The following STX8 variants were observed in gnomAD, a reference collection of about 807,000 sequenced individuals.
STX8 encodes syntaxin-8.
In STX8, 23 loss-of-function variants were observed where a neutral mutation model predicts 37.5. That is an observed-to-expected ratio of 0.61 (90% CI 0.44 to 0.87). STX8 has a LOEUF of 0.87. STX8 is among the 40% of genes least tolerant of loss of function. STX8 has a pLI of 0.00. For missense variants in STX8, 313 were observed against 284.7 expected (o/e 1.10, Z -0.71); for synonymous variants, 115 against 99.1 (o/e 1.16, Z -0.95).
At chr17:9,560,876 T>C (rs1481104004) in intron 2 of STX8, among the ~76,000 whole-genome samples, 4 of 152,060 alleles carry the variant, frequency 2.6e-5, no homozygotes, top group African/African-American at 9.7e-5. Flanking sequence ...TACAAAAAAC[T>C]ACAATAGCTG....
chr17:9,310,028 C>T (rs1252599064), intron 7 of STX8, among the ~76,000 whole-genome samples: 1 of 143,472 alleles, frequency 7.0e-6, no homozygotes, highest in Admixed American at 6.7e-5. Flanking sequence ...TCTTATTAGT[C>T]AAGTTGACGA....
At chr17:9,556,778 T>TACATAC (rs1174076066) in intron 3 of STX8, 11 of 97,578 alleles carry the variant, frequency 1.1e-4, no homozygotes, top group African/African-American at 4.7e-4. Context: ...TATATATATA[T>TACATAC]ATATATATAT....
At chr17:9,548,929 G>C (rs566591890) in intron 3 of STX8, among the ~76,000 whole-genome samples, 2 of 152,258 alleles carry the variant, frequency 1.3e-5, no homozygotes, top group East Asian at 3.9e-4. Context: ...GTATAAGAGA[G>C]ACTGATGTTT....
At chr17:9,413,209 C>T (rs770943881) in intron 6 of STX8, among the ~76,000 whole-genome samples, 34 of 152,164 alleles carry the variant, frequency 2.2e-4, no homozygotes, top group Non-Finnish European at 4.1e-4. Context: ...CAGAACTCAC[C>T]CAATCTGTTA....
chr17:9,557,491 T>A lies in STX8; in HGVS notation c.155A>T (p.Lys52Met), dbSNP rs1289168806. The A allele has an allele frequency of 1.9e-6, 3 of 1,614,014 alleles. No homozygotes were observed. The African/African-American group carries it at 4.0e-5, about 22-fold the overall frequency. ...GTCCTTCAAAAGGGCGATCTTTTCC[T>A]TCAGGTTCTGCAACAAAGCTCTGAT... is the stretch of plus-strand genomic sequence containing the variant. ...VTIRALLQNL[K>M]EKIALLKDLL... is the part of the protein sequence containing the mutation. The change falls in exon 3 of 8, where the codon AAG (lysine) becomes ATG (methionine). Residue 52 changes from lysine to methionine, a missense_variant. Transcript: ENST00000306357.
Position 9,476,094 on chromosome 17 carries a change from G to A in STX8, c.541+15735C>T, listed in dbSNP as rs368427664. On this transcript the variant is annotated intron_variant, in intron 6 of 7. Coordinates refer to ENST00000306357, the MANE Select transcript of STX8 (RefSeq NM_004853.3). ...CTCAGGAGGCTGAGACAGAAGAATC[G>A]TTTGAAGCCGGGGGGCGGAGGTTGC... is the stretch of plus-strand genomic sequence containing the variant. Among the ~76,000 whole-genome samples, 394 of 152,308 alleles carry A rather than the reference G, an allele frequency of 2.6e-3. 1 individual carries two copies. Among genetic ancestry groups the A allele is most frequent in the African/African-American group, 9.0e-3 (376 of 41,584 alleles).
chr17:9,267,126 C>G (rs1567760450), intron 7 of STX8, among the ~76,000 whole-genome samples: 1 of 152,290 alleles, frequency 6.6e-6, no homozygotes, highest in East Asian at 1.9e-4. Context: ...TCTTTGGAAG[C>G]TGTATGGCAT....
chr17:9,536,091 A>T (rs1210597592), intron 4 of STX8, among the ~76,000 whole-genome samples: 1 of 152,204 alleles, frequency 6.6e-6, no homozygotes, highest in Admixed American at 6.5e-5. Context: ...AATTATTGAG[A>T]GTAATTACTT....
intron 2 of STX8, among the ~76,000 whole-genome samples, chr17:9,559,708 G>T (rs1211365504): frequency 7.6e-6 from 1 of 131,758 alleles, no homozygotes; most frequent in Non-Finnish European, 1.6e-5. Flanking sequence ...AGAGTTAAGA[G>T]AATCAACTGA....
chr17:9,311,917 G>GGA (rs1195850494), intron 7 of STX8, among the ~76,000 whole-genome samples: 8 of 151,612 alleles, frequency 5.3e-5, no homozygotes, highest in Non-Finnish European at 1.5e-5. Context: ...GCGTGATCTT[G>GGA]GCTCACTGCA....
chr17:9,284,746 C>G (rs1567767790), intron 7 of STX8, among the ~76,000 whole-genome samples: 1 of 152,152 alleles, frequency 6.6e-6, no homozygotes, highest in Non-Finnish European at 1.5e-5. Context: ...GACTTTATAT[C>G]TAGACTTCGA....
At chr17:9,550,222 TC>T (rs1906710633) in intron 3 of STX8, among the ~76,000 whole-genome samples, 1 of 141,428 alleles carries the variant, frequency 7.1e-6, no homozygotes. Flanking sequence ...AGACTCCATC[TC>T]AAAAAAAAAA....
chr17:9,561,313 A>AT (rs1481810075), intron 2 of STX8, among the ~76,000 whole-genome samples: 2 of 152,204 alleles, frequency 1.3e-5, no homozygotes, highest in Admixed American at 1.3e-4. Context: ...TATACTAAAT[A>AT]TACCAGATCA....
At chr17:9,489,650 T>G (rs1230170049) in intron 6 of STX8, among the ~76,000 whole-genome samples, 4 of 151,490 alleles carry the variant, frequency 2.6e-5, no homozygotes, top group African/African-American at 4.9e-5. Flanking sequence ...TGAGGAACAA[T>G]TGTACACCAG....
chr17:9,482,838 C>A (rs931925225), intron 6 of STX8, among the ~76,000 whole-genome samples: 8 of 152,020 alleles, frequency 5.3e-5, no homozygotes, highest in African/African-American at 1.4e-4. Flanking sequence ...GGGTTGAACC[C>A]GGGAGGCGGA....
At chr17:9,457,833 T>G (rs1195000972) in intron 6 of STX8, among the ~76,000 whole-genome samples, 1 of 152,242 alleles carries the variant, frequency 6.6e-6, no homozygotes, top group Non-Finnish European at 1.5e-5. Context: ...GAGCAGATTT[T>G]CCTTCATGTT....
intron 1 of STX8, among the ~76,000 whole-genome samples, chr17:9,573,710 C>G (rs1907781369): frequency 6.6e-6 from 1 of 152,100 alleles, no homozygotes; most frequent in Non-Finnish European, 1.5e-5. Flanking sequence ...TGTTTATACC[C>G]TTGAGCCCAA....
chr17:9,278,682 G>A (rs1907769851), intron 7 of STX8, among the ~76,000 whole-genome samples: 1 of 152,124 alleles, frequency 6.6e-6, no homozygotes, highest in African/African-American at 2.4e-5. Context: ...GTATAATGGA[G>A]CTCAGAAGAG....
At chr17:9,434,040 A>G (rs569760866) in intron 6 of STX8, among the ~76,000 whole-genome samples, 2 of 151,908 alleles carry the variant, frequency 1.3e-5, no homozygotes, top group African/African-American at 4.8e-5. Context: ...GGCTCACTCT[A>G]TCGCCTAGGC....
Sources: gnomAD v4.1 joint callset for allele counts (sites outside exome capture counted in the v4.1 genomes callset) on GRCh38, gnomAD v4.1.1 for gene constraint, MANE v1.5 for transcripts, NCBI Gene and HGNC (gene_info 2026-07-23, HGNC 2026-07-21) for gene names.